HECW2: variants seen among roughly 807,000 people sequenced by gnomAD.
HECW2 encodes the protein HECT, C2 and WW domain containing E3 ubiquitin protein ligase 2.
In HECW2, 61 loss-of-function variants were observed where a neutral mutation model predicts 175.2. The observed-to-expected ratio is 0.35, with a 90% CI of 0.28 to 0.43. The LOEUF is 0.43. Among genes scored for constraint, HECW2 ranks in the 20% least tolerant of loss-of-function variants. The pLI, the probability that HECW2 is intolerant of heterozygous loss-of-function variation, is 1.00. For synonymous variants in HECW2, 671 were observed against 731.0 expected (o/e 0.92, Z 1.32); for missense variants, 1,524 against 2,000.5 (o/e 0.76, Z 4.54).
chr2:196,326,363 C>G (rs1373905604), intron 5 of HECW2, among the ~76,000 whole-genome samples: 1 of 152,150 alleles, frequency 6.6e-6, no homozygotes, highest in Non-Finnish European at 1.5e-5. Context: ...TGAAAACACT[C>G]CAGAAAGGTC....
chr2:196,234,456 T>A (rs371386720), intron 21 of HECW2, among the ~76,000 whole-genome samples: 4 of 151,946 alleles, frequency 2.6e-5, no homozygotes, highest in African/African-American at 9.7e-5. Flanking sequence ...ACCAGCTAAT[T>A]ATTTATTTAT....
intron 17 of HECW2, among the ~76,000 whole-genome samples, chr2:196,261,450 A>C (rs928871647): frequency 6.6e-6 from 1 of 152,230 alleles, no homozygotes; most frequent in Non-Finnish European, 1.5e-5. Flanking sequence ...TACACTATTA[A>C]ATGAATTGGC....
intron 10 of HECW2, among the ~76,000 whole-genome samples, chr2:196,310,198 G>A (rs1414990584): frequency 6.6e-6 from 1 of 152,152 alleles, no homozygotes; most frequent in East Asian, 1.9e-4. Flanking sequence ...GTTCAATAAA[G>A]ACCTTTCAAT....
intron 28 of HECW2, among the ~76,000 whole-genome samples, chr2:196,206,722 T>A (rs1000580489): frequency 1.3e-5 from 2 of 152,184 alleles, no homozygotes; most frequent in African/African-American, 2.4e-5. Context: ...AGTTTGTGTA[T>A]CCTGTGCTCT....
chr2:196,434,978 T>C (rs979121416), intron 1 of HECW2, among the ~76,000 whole-genome samples: 4 of 152,232 alleles, frequency 2.6e-5, no homozygotes, highest in Non-Finnish European at 4.4e-5. Flanking sequence ...CATCCTCCCA[T>C]TGAGTTCACA....
rs964396120 is a variant in HECW2 at position 196,435,534 on chromosome 2, T to C, written c.-35-2076A>G. On this transcript the variant is annotated intron_variant, in intron 1 of 28. Coordinates refer to ENST00000644978, the MANE Select transcript of HECW2 (RefSeq NM_001348768.2). The stretch of plus-strand genomic sequence containing the variant: ...GAAATAGGCCACAACCCTTATAGCT[T>C]AAAATCACAACAGAAGAAATACTGA... Among the ~76,000 whole-genome samples, 13 of 152,322 alleles carry C rather than the reference T, an allele frequency of 8.5e-5. No homozygotes were observed. In the South Asian group the frequency reaches 2.7e-3, roughly 32 times the overall value.
At chr2:196,587,273 C>T (rs1691016371) in intron 1 of HECW2, among the ~76,000 whole-genome samples, 1 of 152,224 alleles carries the variant, frequency 6.6e-6, no homozygotes, top group African/African-American at 2.4e-5. Flanking sequence ...TGGCTTCATG[C>T]CACTATTGGA....
chr2:196,244,019 T>C (rs1197192091), intron 19 of HECW2, among the ~76,000 whole-genome samples: 2 of 152,214 alleles, frequency 1.3e-5, no homozygotes, highest in Non-Finnish European at 1.5e-5. Flanking sequence ...CACTAAATAT[T>C]TCCCAACCAA....
chr2:196,378,031 C>T (rs1298730153), intron 2 of HECW2, among the ~76,000 whole-genome samples: 1 of 152,166 alleles, frequency 6.6e-6, no homozygotes, highest in Admixed American at 6.5e-5. Context: ...TAGTTTTGCA[C>T]GTATTACTCT....
intron 1 of HECW2, among the ~76,000 whole-genome samples, chr2:196,531,459 C>T (rs570021170): frequency 6.6e-6 from 1 of 152,176 alleles, no homozygotes; most frequent in African/African-American, 2.4e-5. Context: ...AGTTCGAGAC[C>T]AGCCTGGCCA....
intron 14 of HECW2, among the ~76,000 whole-genome samples, chr2:196,283,087 C>T (rs1222096536): frequency 2.0e-5 from 3 of 151,498 alleles, no homozygotes; most frequent in East Asian, 2.0e-4. Flanking sequence ...GATGAAACCT[C>T]GTCTCTACTA....
intron 21 of HECW2, 46 bp downstream of exon 21, chr2:196,240,403 G>A: frequency 7.4e-7 from 1 of 1,359,904 alleles, no homozygotes; most frequent in Non-Finnish European, 1.0e-6. Context: ...CATCCGCCTT[G>A]TGGCCACAGC....
At chr2:196,521,652 T>G (rs1688395896) in intron 1 of HECW2, among the ~76,000 whole-genome samples, 2 of 124,162 alleles carry the variant, frequency 1.6e-5, no homozygotes, top group South Asian at 5.8e-4. Flanking sequence ...CCCACCACAG[T>G]CCCCAGAGTT....
chr2:196,385,872 T>TA (rs1694332186), intron 2 of HECW2, among the ~76,000 whole-genome samples: 2 of 152,226 alleles, frequency 1.3e-5, no homozygotes, highest in South Asian at 4.1e-4. Context: ...GCCTATTTAT[T>TA]AAAACCTATT....
In HECW2 at chr2:196,331,107, A is replaced by C. The variant is rs13405871; in HGVS notation, c.496-1457T>G. The C allele has an allele frequency of 6.3e-3, 6,199 of 979,256 alleles. 308 individuals are homozygous for C. In the African/African-American group the frequency reaches 0.1, roughly 16 times the overall value. 60.7% of individuals were successfully genotyped at this position (979,256 alleles called of 1,614,324 possible). ...CCGCTGTAACTCCTGTACCTTAGTC[A>C]AACTATTTTGTGTGCCACTTAACTG... On this transcript the variant is annotated intron_variant, in intron 4 of 28. Transcript: ENST00000644978.
rs749775570 is a variant in HECW2 at position 196,318,735 on chromosome 2, C to T, written c.2155G>A (p.Gly719Arg). The change falls in exon 9 of 29, where the codon GGG becomes AGG. Residue 719 changes from glycine to arginine, a missense_variant. Transcript: ENST00000644978. ...ACAGTGGCCGATTCTGCCCCTGGCC[C>T]TTCATCCTCCCCACTGGGCACCTGT... is the stretch of plus-strand genomic sequence containing the variant. ...VVQVPSGEDE[G>R]PGAESATVPD... The T allele has an allele frequency of 1.9e-6, 3 of 1,541,622 alleles. No homozygotes were observed. Among genetic ancestry groups the T allele is most frequent in the South Asian group, 2.5e-5 (2 of 79,282 alleles).
intron 17 of HECW2, among the ~76,000 whole-genome samples, chr2:196,264,553 T>C (rs1180556950): frequency 6.6e-6 from 1 of 152,190 alleles, no homozygotes; most frequent in African/African-American, 2.4e-5. Flanking sequence ...CAAAGTTACA[T>C]CAGAGAACAA....
intron 1 of HECW2, among the ~76,000 whole-genome samples, chr2:196,517,425 AAG>A (rs1327014904): frequency 1.3e-5 from 2 of 152,210 alleles, no homozygotes; most frequent in African/African-American, 2.4e-5. Context: ...AAAAAGGAAA[AAG>A]AAATTACAAC....
chr2:196,230,222 T>A (rs1303905612), intron 21 of HECW2, among the ~76,000 whole-genome samples: 1 of 152,208 alleles, frequency 6.6e-6, no homozygotes, highest in Non-Finnish European at 1.5e-5. Flanking sequence ...ATGCACAGAC[T>A]ACCTGTCCCT....
Sources: allele counts gnomAD v4.1 joint callset (sites outside exome capture counted in the v4.1 genomes callset), GRCh38; gene constraint gnomAD v4.1.1; transcripts MANE v1.5; gene names NCBI Gene and HGNC (gene_info 2026-07-23, HGNC 2026-07-21).